The following C19orf38 variants were observed in gnomAD, a reference collection of about 807,000 sequenced individuals.
C19orf38 encodes chromosome 19 open reading frame 38, also known as protein HIDE1.
Under a neutral mutation model 26.6 loss-of-function variants are expected in C19orf38, and 14 were observed. The observed-to-expected ratio is 0.53, with a 90% CI of 0.35 to 0.82. The LOEUF is 0.82. Among genes scored for constraint, C19orf38 ranks in the 40% least tolerant of loss-of-function variants. The pLI, the probability that C19orf38 is intolerant of heterozygous loss-of-function variation, is 0.01. For missense variants in C19orf38, 261 were observed against 299.5 expected (o/e 0.87, Z 0.95); for synonymous variants, 132 against 128.5 (o/e 1.03, Z -0.18).
At chr19:10,868,004 T>C (rs1416380132) in intron 6 of C19orf38, among the ~76,000 whole-genome samples, 1 of 152,100 alleles carries the variant, frequency 6.6e-6, no homozygotes, top group East Asian at 1.9e-4. Flanking sequence ...ATACACCAAG[T>C]TTTGTTGATC....
chr19:10,869,532 G>C lies in C19orf38; in HGVS notation c.*165G>C, dbSNP rs1455780951. On this transcript the variant is annotated 3_prime_UTR_variant, in exon 7 of 7. Transcript: ENST00000397820. ...TTCATCACAGAGGAGTGGGAGAGGGGACACAGGCATGGGCCTGGCACTATA... is the reference window on the plus strand; with the variant it reads ...TTCATCACAGAGGAGTGGGAGAGGGCACACAGGCATGGGCCTGGCACTATA... The C allele has an allele frequency of 1.9e-6, 2 of 1,029,906 alleles. No homozygotes were observed. Among genetic ancestry groups the C allele is most frequent in the Admixed American group, 2.9e-5 (1 of 33,942 alleles). 63.8% of individuals were successfully genotyped at this position (1,029,906 alleles called of 1,614,324 possible).
At chr19:10,845,375 GAGTTAAAAATCATTAAC>G (rs2040956349), upstream of C19orf38, among the ~76,000 whole-genome samples, 1 of 152,022 alleles carries the variant, frequency 6.6e-6, no homozygotes, top group African/African-American at 2.4e-5. Context: ...GACCACAAAG[GAGTTAAAAATCATTAAC>G]AGTAAGCTGC....
chr19:10,858,994 T>C (rs2073660657), intron 4 of C19orf38, among the ~76,000 whole-genome samples: 1 of 149,804 alleles, frequency 6.7e-6, no homozygotes, highest in Admixed American at 6.7e-5. Flanking sequence ...TGGAGTGCAA[T>C]GGCCTGATCT....
chr19:10,869,432 T>C lies in C19orf38; in HGVS notation c.*65T>C. 1 of 1,468,730 alleles carries C rather than the reference T, an allele frequency of 6.8e-7. No homozygotes were observed. Among genetic ancestry groups the C allele is most frequent in the South Asian group, 1.3e-5 (1 of 74,258 alleles). The allele number at this position is 1,468,730 out of a possible 1,614,324, so 91.0% of individuals were successfully genotyped here. A position where few individuals can be genotyped will look rare whatever the true frequency, so the allele number is the denominator to read the frequency against. On this transcript the variant is annotated 3_prime_UTR_variant, in exon 7 of 7. Coordinates refer to ENST00000397820, the MANE Select transcript of C19orf38 (RefSeq NM_001136482.3). Reference sequence around the variant, plus strand: ...GGGGCCTGAGGTCCCTCCAGCTACTTCTGGGGGGGCTCTGTCAGCCACTTT... The same window carrying C: ...GGGGCCTGAGGTCCCTCCAGCTACTCCTGGGGGGGCTCTGTCAGCCACTTT...
intron 2 of C19orf38, among the ~76,000 whole-genome samples, chr19:10,852,748 G>C (rs368078704): frequency 6.6e-6 from 1 of 152,102 alleles, no homozygotes. Context: ...CAGGAGGATC[G>C]TGGGGGGTCT....
intron 1 of C19orf38, 141 bp from the exon 2 acceptor site, chr19:10,850,118 C>A: frequency 1.4e-6 from 1 of 723,854 alleles, no homozygotes; most frequent in Non-Finnish European, 2.2e-6. Context: ...ATGTGCCAGG[C>A]AGTGTGGGGT....
intron 2 of C19orf38, among the ~76,000 whole-genome samples, chr19:10,854,606 T>C (rs2073606180): frequency 6.6e-6 from 1 of 152,140 alleles, no homozygotes; most frequent in Non-Finnish European, 1.5e-5. Context: ...TCTGTCTTCT[T>C]CCCTCTTCTG....
chr19:10,842,401 C>G (rs1457763607), intron 1 of C19orf38, among the ~76,000 whole-genome samples: 1 of 152,010 alleles, frequency 6.6e-6, no homozygotes, highest in Non-Finnish European at 1.5e-5. Flanking sequence ...GCTGGGACTA[C>G]AGGTGCCCGC....
intron 5 of C19orf38, among the ~76,000 whole-genome samples, chr19:10,862,008 C>T (rs559412533): frequency 8.4e-4 from 128 of 152,216 alleles, no homozygotes; most frequent in Non-Finnish European, 1.4e-3. Context: ...AAGCCATTCT[C>T]CTGCCTCAGC....
At chr19:10,848,608 C>G in intron 1 of C19orf38, 69 bp downstream of exon 1, 1 of 1,420,172 alleles carries the variant, frequency 7.0e-7, no homozygotes, top group Non-Finnish European at 9.6e-7. Flanking sequence ...CTTGCCGCTC[C>G]AGGGGCAGAA....
At chr19:10,839,520 C>T (rs2073464078) in intron 1 of C19orf38, among the ~76,000 whole-genome samples, 1 of 152,158 alleles carries the variant, frequency 6.6e-6, no homozygotes, top group Non-Finnish European at 1.5e-5. Flanking sequence ...TGCCCCCCGC[C>T]TCTCAACTAG....
At chr19:10,841,710 C>T (rs1020570223) in intron 1 of C19orf38, 6 of 620,832 alleles carry the variant, frequency 9.7e-6, no homozygotes, top group Admixed American at 2.7e-5. Flanking sequence ...GAGTGGCTCA[C>T]GCCTGTAATC....
intron 2 of C19orf38, among the ~76,000 whole-genome samples, chr19:10,855,030 CTTTTTTT>C (rs33999724): frequency 1.2e-4 from 9 of 77,754 alleles, no homozygotes; most frequent in Non-Finnish European, 1.7e-4. Flanking sequence ...GATATATATT[CTTTTTTT>C]TTTTTTTTTT....
At chr19:10,859,036 C>T (rs1016874200) in intron 4 of C19orf38, among the ~76,000 whole-genome samples, 37 of 150,506 alleles carry the variant, frequency 2.5e-4, no homozygotes, top group African/African-American at 9.0e-4. Flanking sequence ...CTCCTGCGTT[C>T]AAGCAGTTCT....
chr19:10,842,609 C>T (rs370198194), intron 1 of C19orf38, among the ~76,000 whole-genome samples: 6 of 152,154 alleles, frequency 3.9e-5, no homozygotes, highest in East Asian at 3.9e-4. Flanking sequence ...TGGTGGCACA[C>T]GCCTGTAGTC....
At chr19:10,846,042 TGTG>T (rs1274564911), upstream of C19orf38, among the ~76,000 whole-genome samples, 2 of 149,206 alleles carry the variant, frequency 1.3e-5, no homozygotes, top group East Asian at 2.1e-4. Flanking sequence ...ATTAGCCAGG[TGTG>T]GTGGTGGACA....
Position 10,869,733 on chromosome 19 carries a change from T to C in C19orf38, c.*366T>C. 1 of 227,842 alleles carries C rather than the reference T, an allele frequency of 4.4e-6. No homozygotes were observed. The highest frequency in any genetic ancestry group is 8.5e-6 in the Non-Finnish European group (1 of 118,152). 14.1% of individuals were successfully genotyped at this position (227,842 alleles called of 1,614,324 possible). ...TGAGCATAGGGTGCCCTTGGGTGTG[T>C]TGTGTGTCTGCCTGCTGGCTTGCTT... On this transcript the variant is annotated 3_prime_UTR_variant, in exon 7 of 7. Transcript: ENST00000397820.
chr19:10,853,899 GT>G (rs545079431), intron 2 of C19orf38, among the ~76,000 whole-genome samples: 2,152 of 116,888 alleles, frequency 0.018, 33 homozygotes, highest in African/African-American at 0.057. Context: ...TCCGGCTAAT[GT>G]TTTTTTTTTT....
At chr19:10,841,907 A>G in intron 1 of C19orf38, 1 of 1,598,716 alleles carries the variant, frequency 6.3e-7, no homozygotes. Flanking sequence ...ATTCAAATGG[A>G]ATGCCAGTGT....
Sources: gnomAD v4.1 joint callset for allele counts (sites outside exome capture counted in the v4.1 genomes callset) on GRCh38, gnomAD v4.1.1 for gene constraint, MANE v1.5 for transcripts, NCBI Gene and HGNC (gene_info 2026-07-23, HGNC 2026-07-21) for gene names.